Variants in PTPRA observed in about 807,000 individuals in gnomAD.
The protein encoded by PTPRA is receptor-type tyrosine-protein phosphatase alpha.
In PTPRA, 25 loss-of-function variants were observed where a neutral mutation model predicts 104.8. The ratio of observed to expected loss-of-function variants is 0.24; its 90% confidence interval spans 0.17 to 0.33. The LOEUF (loss-of-function observed/expected upper bound fraction) is 0.33, where lower values mean the gene tolerates loss of function less well. Ranked by LOEUF, PTPRA falls within the 10% of genes least tolerant of loss-of-function variation. The probability of loss-of-function intolerance (pLI) is 1.00; values close to 1 mark genes in which losing one functional copy is unlikely to be tolerated. For synonymous variants in PTPRA, 323 were observed against 368.9 expected, an observed-to-expected ratio of 0.88 and a Z score of 1.43; for missense variants, 765 against 1,015.3, an observed-to-expected ratio of 0.75 and a Z score of 3.35.
At chr20:3,007,487 C>A in intron 11 of PTPRA, 67 bp downstream of exon 11, 1 of 1,484,474 alleles carries the variant, frequency 6.7e-7, no homozygotes. Flanking sequence ...TGGCTCCTCC[C>A]CAGCTGTGTG....
intron 1 of PTPRA, among the ~76,000 whole-genome samples, chr20:2,905,129 T>C (rs1320825353): frequency 2.0e-5 from 3 of 152,084 alleles, no homozygotes; most frequent in Admixed American, 6.5e-5. Flanking sequence ...GGGATCTAGG[T>C]TGTGTGCTCC....
intron 1 of PTPRA, among the ~76,000 whole-genome samples, chr20:2,879,653 C>T (rs2089940797): frequency 6.6e-6 from 1 of 152,070 alleles, no homozygotes; most frequent in Non-Finnish European, 1.5e-5. Context: ...ATGTTTCCAT[C>T]AAGGAGAGAC....
At chr20:3,009,936 C>T (rs2064077561) in intron 11 of PTPRA, among the ~76,000 whole-genome samples, 1 of 151,982 alleles carries the variant, frequency 6.6e-6, no homozygotes, top group South Asian at 2.1e-4. Flanking sequence ...ACGACCTCTG[C>T]CTCCCGGGCT....
chr20:2,866,248 T>C, the PTPRA span: 5 of 1,613,754 alleles, frequency 3.1e-6, no homozygotes, highest in Admixed American at 5.0e-5. Context: ...ACATAACAAA[T>C]ACGAAGCCAA....
chr20:3,032,721 G>A (rs557515446), intron 20 of PTPRA, among the ~76,000 whole-genome samples: 32 of 150,084 alleles, frequency 2.1e-4, no homozygotes, highest in South Asian at 2.1e-3. Flanking sequence ...AGCCAAGATC[G>A]CGCCACTGCA....
intron 20 of PTPRA, among the ~76,000 whole-genome samples, chr20:3,033,157 A>G (rs1568710931): frequency 6.6e-6 from 1 of 151,866 alleles, no homozygotes; most frequent in Non-Finnish European, 1.5e-5. Flanking sequence ...TACAACCCAT[A>G]TGCCAGGGAT....
At chr20:3,017,998 G>A (rs2064553164) in intron 13 of PTPRA, 85 bp downstream of exon 13, 5 of 1,165,716 alleles carry the variant, frequency 4.3e-6, no homozygotes, top group Non-Finnish European at 6.3e-6. Context: ...TATCCTTTGT[G>A]GGTGCTGTAC....
At chr20:2,979,394 A>G (rs2062576913) in intron 6 of PTPRA, among the ~76,000 whole-genome samples, 4 of 152,108 alleles carry the variant, frequency 2.6e-5, no homozygotes, top group Admixed American at 1.3e-4. Flanking sequence ...GGACCTATCC[A>G]GTTCCTTTCT....
At position 2,979,541 on chromosome 20, in the gene PTPRA, G is replaced by A. The variant is rs1001098336; in HGVS notation, c.442+4300G>A. ...TTAGCCTTTCTTTTTTTGGAGGCAG[G>A]GCTGGGGCAGACTCATGCTCTGTCG... is the stretch of plus-strand genomic sequence containing the variant. On this transcript the variant is annotated intron_variant, in intron 6 of 23. Coordinates refer to ENST00000399903, the MANE Select transcript of PTPRA (RefSeq NM_001385305.1). Among the ~76,000 whole-genome samples the A allele has an allele frequency of 3.3e-5, 5 of 152,050 alleles. No individual in the cohort carries two copies. The East Asian group carries it at 7.7e-4, about 23-fold the overall frequency.
At chr20:2,955,674 G>A (rs915358896) in intron 3 of PTPRA, 2 of 985,108 alleles carry the variant, frequency 2.0e-6, no homozygotes, top group East Asian at 2.3e-4. Flanking sequence ...TCAGAGTGCT[G>A]TTCCTACTCC....
chr20:2,958,529 G>C (rs1242138948), intron 3 of PTPRA, among the ~76,000 whole-genome samples: 3 of 151,752 alleles, frequency 2.0e-5, no homozygotes, highest in African/African-American at 7.3e-5. Flanking sequence ...TTCAAGAACA[G>C]GGACTGTTAA....
chr20:3,017,700 T>C, intron 12 of PTPRA, 116 bp from the exon 13 acceptor site: 1 of 789,404 alleles, frequency 1.3e-6, no homozygotes, highest in Admixed American at 2.2e-5. Context: ...GGGTTAGATA[T>C]TTAGCTGGGG....
rs1010857067 is a variant in PTPRA, at chr20:3,037,894, A to G, written c.2335-165A>G. ...CTGCTGCATTCAGCCCGGAAGGGGA[A>G]TGCTGTCAGAACTCTGGCAGGCAGA... On this transcript the variant is annotated intron_variant, in intron 23 of 23. Transcript: ENST00000399903. The surrounding 1 kb of genome is among the most constrained non-coding windows in gnomAD (Gnocchi z 4.3). 3.3e-5 allele frequency among the ~76,000 whole-genome samples: 5 copies of G among 152,228 alleles called. No homozygotes were observed. Among genetic ancestry groups the G allele is most frequent in the Non-Finnish European group, 7.3e-5 (5 of 68,046 alleles).
At chr20:2,952,309 A>AT (rs1202336430) in intron 3 of PTPRA, among the ~76,000 whole-genome samples, 1 of 152,092 alleles carries the variant, frequency 6.6e-6, no homozygotes, top group Non-Finnish European at 1.5e-5. Context: ...TATTTTCCTA[A>AT]TGATTAATAG....
chr20:2,993,933 A>G (rs79415576), intron 9 of PTPRA, among the ~76,000 whole-genome samples: 1,905 of 152,334 alleles, frequency 0.013, 13 homozygotes, highest in Non-Finnish European at 0.02. Flanking sequence ...AGGCAGGCAG[A>G]CAGACAGATC....
In PTPRA at chr20:3,022,638, T is replaced by C; in HGVS notation, c.1329-51T>C. On this transcript the variant is annotated intron_variant, in intron 15 of 23. Transcript: ENST00000399903. This position sits in a 1 kb window ranked among gnomAD's most constrained non-coding sequence, Gnocchi z 4.6. ...GCCTGTGTTGCCCCTCCCTATCTGC[T>C]CCCACAAGGCAGGCTGGCCATCCCT... is the stretch of plus-strand genomic sequence containing the variant. 3.1e-6 allele frequency: 5 copies of C among 1,610,086 alleles called. No individual in the cohort carries two copies. Among genetic ancestry groups the C allele is most frequent in the Non-Finnish European group, 4.2e-6 (5 of 1,177,290 alleles).
At chr20:3,018,044 A>G (rs558365075) in intron 13 of PTPRA, 131 bp downstream of exon 13, 9 of 768,234 alleles carry the variant, frequency 1.2e-5, no homozygotes, top group East Asian at 1.1e-4. Context: ...GCTGAAGTCT[A>G]TCAGACTTTG....
chr20:2,900,066 C>CCT (rs2059168787), intron 1 of PTPRA, among the ~76,000 whole-genome samples: 1 of 151,874 alleles, frequency 6.6e-6, no homozygotes, highest in East Asian at 1.9e-4. Context: ...GCTGAGATAG[C>CCT]GCCACTGCAC....
At chr20:2,937,928 T>G (rs1467320788) in intron 2 of PTPRA, among the ~76,000 whole-genome samples, 1 of 152,228 alleles carries the variant, frequency 6.6e-6, no homozygotes, top group Non-Finnish European at 1.5e-5. Flanking sequence ...TCTGTTGTCT[T>G]TCAAATTGTT....
Sources: gnomAD v4.1 joint callset for allele counts (sites outside exome capture counted in the v4.1 genomes callset) on GRCh38, gnomAD v4.1.1 for gene constraint, Gnocchi (gnomAD v3.1) non-coding constraint, MANE v1.5 for transcripts, NCBI Gene and HGNC (gene_info 2026-07-23, HGNC 2026-07-21) for gene names.